C10orf90: variants seen among roughly 807,000 people sequenced by gnomAD.
C10orf90 encodes the protein chromosome 10 open reading frame 90.
Under a neutral mutation model 62.5 loss-of-function variants are expected in C10orf90, and 56 were observed. That is an observed-to-expected ratio of 0.90 (90% confidence interval 0.72 to 1.12). The LOEUF (loss-of-function observed/expected upper bound fraction) is 1.12, where lower values mean the gene tolerates loss of function less well. Among genes scored for constraint, C10orf90 ranks in the 50% most tolerant of loss-of-function variants. The probability of loss-of-function intolerance (pLI) is 0.00; values close to 1 mark genes in which losing one functional copy is unlikely to be tolerated. For missense variants in C10orf90, 970 were observed against 880.4 expected (o/e 1.10, Z -1.29); for synonymous variants, 386 against 340.4 (o/e 1.13, Z -1.47).
At chr10:126,645,261 A>T (rs1012353995) in intron 2 of C10orf90, among the ~76,000 whole-genome samples, 1 of 145,030 alleles carries the variant, frequency 6.9e-6, no homozygotes, top group African/African-American at 2.5e-5. Context: ...TAAAGTATAA[A>T]AAAAAAAAAA....
intron 2 of C10orf90, among the ~76,000 whole-genome samples, chr10:126,515,499 A>G (rs1381886269): frequency 6.6e-6 from 1 of 152,206 alleles, no homozygotes; most frequent in Non-Finnish European, 1.5e-5. Context: ...TGCCTACAGT[A>G]TTCAGCACAG....
chr10:126,429,172 C>A (rs559603753), intron 8 of C10orf90, among the ~76,000 whole-genome samples: 1 of 152,114 alleles, frequency 6.6e-6, no homozygotes, highest in African/African-American at 2.4e-5. Context: ...GGCCAGATCT[C>A]AGAAAGAATG....
chr10:126,594,899 G>A (rs567478914), intron 2 of C10orf90, among the ~76,000 whole-genome samples: 5 of 152,320 alleles, frequency 3.3e-5, no homozygotes, highest in African/African-American at 4.8e-5. Context: ...TGGCATGCCC[G>A]TGGGTCTGGA....
At chr10:126,599,575 A>G (rs1266442945) in intron 2 of C10orf90, among the ~76,000 whole-genome samples, 1 of 151,446 alleles carries the variant, frequency 6.6e-6, no homozygotes, top group Admixed American at 6.6e-5. Context: ...ATGGGGCCCC[A>G]TGCATCCTCA....
At chr10:126,459,360 C>T in intron 6 of C10orf90, 143 bp from the exon 7 acceptor site, 1 of 893,786 alleles carries the variant, frequency 1.1e-6, no homozygotes, top group South Asian at 1.5e-5. Flanking sequence ...TCACGCTTTT[C>T]TTGCACATCT....
At chr10:126,587,309 A>C (rs1288780694) in intron 2 of C10orf90, among the ~76,000 whole-genome samples, 1 of 152,238 alleles carries the variant, frequency 6.6e-6, no homozygotes, top group African/African-American at 2.4e-5. Context: ...AGGCTGCCAT[A>C]ACGAAACACC....
intron 1 of C10orf90, among the ~76,000 whole-genome samples, chr10:126,658,650 A>T (rs1359990279): frequency 6.6e-6 from 1 of 152,228 alleles, no homozygotes; most frequent in African/African-American, 2.4e-5. Flanking sequence ...CCACCATTAA[A>T]TAGCAAATTT....
intron 4 of C10orf90, among the ~76,000 whole-genome samples, chr10:126,486,391 C>T (rs764201005): frequency 6.6e-6 from 1 of 152,140 alleles, no homozygotes; most frequent in African/African-American, 2.4e-5. Context: ...AACATGAGCT[C>T]AGGATCATAG....
intron 3 of C10orf90, among the ~76,000 whole-genome samples, chr10:126,512,927 G>A (rs536453533): frequency 2.6e-5 from 4 of 152,196 alleles, no homozygotes; most frequent in Admixed American, 2.0e-4. Context: ...TATTAAATAC[G>A]GAGCTAAATC....
At chr10:126,491,343 C>A (rs1228645261) in intron 4 of C10orf90, among the ~76,000 whole-genome samples, 3 of 152,100 alleles carry the variant, frequency 2.0e-5, no homozygotes, top group Non-Finnish European at 4.4e-5. Context: ...AAAGATTAAA[C>A]CTTTTTAAGG....
At chr10:126,578,819 G>T (rs563704712) in intron 2 of C10orf90, among the ~76,000 whole-genome samples, 2 of 152,064 alleles carry the variant, frequency 1.3e-5, no homozygotes, top group Non-Finnish European at 2.9e-5. Context: ...GTGTGAAAGA[G>T]GTCAAACACA....
chr10:126,636,526 A>G (rs2133837075), intron 2 of C10orf90, among the ~76,000 whole-genome samples: 1 of 152,338 alleles, frequency 6.6e-6, no homozygotes, highest in Non-Finnish European at 1.5e-5. Context: ...TGAGAGGACA[A>G]ATAATTGTGT....
At chr10:126,621,568 C>T (rs1845644170) in intron 2 of C10orf90, among the ~76,000 whole-genome samples, 1 of 152,172 alleles carries the variant, frequency 6.6e-6, no homozygotes, top group Non-Finnish European at 1.5e-5. Flanking sequence ...TATATTCCCA[C>T]CATCTGTGCT....
chr10:126,473,100 A>G (rs750078172), intron 4 of C10orf90, among the ~76,000 whole-genome samples: 1 of 152,158 alleles, frequency 6.6e-6, no homozygotes, highest in Non-Finnish European at 1.5e-5. Context: ...TCCTGCCCTC[A>G]TGCCTCCTAC....
Position 126,545,929 on chromosome 10 carries a change from T to G in C10orf90, c.314-31990A>C, listed in dbSNP as rs115442895. 2.9e-3 allele frequency among the ~76,000 whole-genome samples: 445 copies of G among 152,334 alleles called. 2 individuals are homozygous for G. The highest frequency in any genetic ancestry group is 9.6e-3 in the African/African-American group (398 of 41,570). On this transcript the variant is annotated intron_variant, in intron 2 of 9. Transcript: ENST00000488181. ...AAATATATGTAAGAGCTATCTATTC[T>G]GTATAAAACTAACATAAGCAGACTC...
chr10:126,501,525 GAGTCCACCTTGGGCAAAT>G (rs1862380447), intron 4 of C10orf90, among the ~76,000 whole-genome samples: 2 of 152,116 alleles, frequency 1.3e-5, no homozygotes, highest in South Asian at 4.1e-4. Context: ...TTTCTTTACA[GAGTCCACCTTGGGCAAAT>G]AGAGCTGAAA....
chr10:126,633,787 G>T (rs1200006224), intron 2 of C10orf90, among the ~76,000 whole-genome samples: 2 of 152,162 alleles, frequency 1.3e-5, no homozygotes, highest in East Asian at 3.9e-4. Flanking sequence ...CTTCAGAAAA[G>T]AAAATAATTA....
intron 2 of C10orf90, among the ~76,000 whole-genome samples, chr10:126,565,043 A>T (rs1388068494): frequency 1.6e-4 from 2 of 12,392 alleles, no homozygotes; most frequent in African/African-American, 2.3e-4. Context: ...TAAAATATAT[A>T]ATATATAATA....
chr10:126,510,905 T>C (rs766005152), intron 3 of C10orf90, among the ~76,000 whole-genome samples: 1 of 152,252 alleles, frequency 6.6e-6, no homozygotes, highest in African/African-American at 2.4e-5. Flanking sequence ...GATGCCTCCA[T>C]TCCTGTAGCA....
Sources: gnomAD v4.1 joint callset for allele counts (sites outside exome capture counted in the v4.1 genomes callset) on GRCh38, gnomAD v4.1.1 for gene constraint, MANE v1.5 for transcripts, NCBI Gene and HGNC (gene_info 2026-07-23, HGNC 2026-07-21) for gene names.